ZKSCAN3: variants seen among roughly 807,000 people sequenced by gnomAD.
ZKSCAN3 encodes zinc finger with KRAB and SCAN domains 3.
Under a neutral mutation model 30.7 loss-of-function variants are expected in ZKSCAN3, and 21 were observed. The observed-to-expected ratio is 0.68, with a 90% CI of 0.49 to 0.99. ZKSCAN3 has a LOEUF of 0.99. ZKSCAN3 is among the 50% of genes least tolerant of loss of function. The probability of loss-of-function intolerance (pLI) is 0.00; values close to 1 mark genes in which losing one functional copy is unlikely to be tolerated. For synonymous variants in ZKSCAN3, 201 were observed against 246.7 expected, an observed-to-expected ratio of 0.81 and a Z score of 1.73; for missense variants, 507 against 647.1, an observed-to-expected ratio of 0.78 and a Z score of 2.35.
At position 28,359,574 on chromosome 6, in the gene ZKSCAN3, G is replaced by T. The variant is rs763611355; in HGVS notation, c.-13G>T. ...GAAGCTAGAGTGAGGCCTGAGTACTGCCTTGGCCTAGGATGGCTAGAGAAT... is the reference window on the plus strand; with the variant it reads ...GAAGCTAGAGTGAGGCCTGAGTACTTCCTTGGCCTAGGATGGCTAGAGAAT... On this transcript the variant is annotated 5_prime_UTR_variant, in exon 2 of 6. Transcript: ENST00000252211. The T allele has an allele frequency of 1.2e-6, 2 of 1,611,710 alleles. No individual in the cohort carries two copies. The highest frequency in any genetic ancestry group is 1.1e-5 in the South Asian group (1 of 91,038).
In ZKSCAN3 at chr6:28,366,340, C is replaced by A. The variant is rs1339529820; in HGVS notation, c.*55C>A. Reference sequence around the variant, plus strand: ...CATTTGTCACTGATCTGAAGCCACTCCCCCTGGAGTCTCAACTATAGAAAT... The same window carrying A: ...CATTTGTCACTGATCTGAAGCCACTACCCCTGGAGTCTCAACTATAGAAAT... On this transcript the variant is annotated 3_prime_UTR_variant, in exon 6 of 6. Coordinates refer to ENST00000252211, the MANE Select transcript of ZKSCAN3 (RefSeq NM_024493.4). The A allele has an allele frequency of 3.0e-5, 44 of 1,473,840 alleles. No individual in the cohort carries two copies. Among genetic ancestry groups the A allele is most frequent in the Non-Finnish European group, 3.8e-5 (42 of 1,114,476 alleles). The allele number at this position is 1,473,840 out of a possible 1,614,324, so 91.3% of individuals were successfully genotyped here.
Position 28,351,949 on chromosome 6 carries a change from G to T in ZKSCAN3, c.-63+1882G>T, listed in dbSNP as rs1765057458. Among the ~76,000 whole-genome samples, 2 of 150,732 alleles carry T rather than the reference G, an allele frequency of 1.3e-5. No individual in the cohort carries two copies. The highest frequency in any genetic ancestry group is 4.9e-5 in the African/African-American group (2 of 41,088). ...AATAATTCCTTGATATCATTATCTT[G>T]ATTTTCAAATAATTGTCTCAAATAT... is the stretch of plus-strand genomic sequence containing the variant. On this transcript the variant is annotated intron_variant, in intron 1 of 5. Transcript: ENST00000252211. This position sits in a 1 kb window ranked among gnomAD's most constrained non-coding sequence, Gnocchi z 4.6.
At position 28,349,965 on chromosome 6, in the gene ZKSCAN3, G is replaced by A. The variant is rs1245376417; in HGVS notation, c.-165G>A. ...GTGGTTTGCTAGTTTCAAGCACTTTGTGAGTATGGGGTGAATCGGCGTCGG... is the reference window on the plus strand; with the variant it reads ...GTGGTTTGCTAGTTTCAAGCACTTTATGAGTATGGGGTGAATCGGCGTCGG... On this transcript the variant is annotated 5_prime_UTR_variant, in exon 1 of 6. It adds an upstream start codon to the 5' untranslated region. Transcript: ENST00000252211. This position sits in a 1 kb window ranked among gnomAD's most constrained non-coding sequence, Gnocchi z 4.1. 6.6e-6 allele frequency: 1 copy of A among 152,254 alleles called. No individual in the cohort carries two copies. The highest frequency in any genetic ancestry group is 1.5e-5 in the Non-Finnish European group (1 of 68,076). 9.4% of individuals were successfully genotyped at this position (152,254 alleles called of 1,614,324 possible).
At chr6:28,358,889 A>T (rs1302896947) in intron 1 of ZKSCAN3, among the ~76,000 whole-genome samples, 1 of 125,582 alleles carries the variant, frequency 8.0e-6, no homozygotes, top group Non-Finnish European at 1.6e-5. Context: ...GTCTCAAAAC[A>T]AACAAATAAG....
intron 5 of ZKSCAN3, among the ~76,000 whole-genome samples, chr6:28,364,101 C>T (rs565712757): frequency 6.6e-6 from 1 of 152,264 alleles, no homozygotes; most frequent in South Asian, 2.1e-4. Context: ...TCCCAAACTG[C>T]TGGGACTAAA....
intron 1 of ZKSCAN3, chr6:28,350,276 G>T (rs1317639012): frequency 6.6e-6 from 1 of 152,244 alleles, no homozygotes; most frequent in Non-Finnish European, 1.5e-5. Flanking sequence ...GTTTAGGGCC[G>T]TTACCGAGTG....
chr6:28,356,351 G>A (rs1412595411), intron 1 of ZKSCAN3: 1 of 152,252 alleles, frequency 6.6e-6, no homozygotes, highest in Admixed American at 6.5e-5. Flanking sequence ...ACCGGCATCA[G>A]ACCACACTGT....
At position 28,359,823 on chromosome 6, in the gene ZKSCAN3, G is replaced by A; in HGVS notation, c.237G>A (p.Met79Ile). Residue 79 changes from methionine (M) to isoleucine (I), a missense_variant, in exon 2 of 6, where the codon ATG becomes ATA. By Grantham distance (10) the Met-to-Ile change is conservative. Coordinates refer to ENST00000252211, the MANE Select transcript of ZKSCAN3 (RefSeq NM_024493.4). Reference sequence around the variant, plus strand: ...GCCGACAGTGGCTGCAGCCTGAGATGCACAGCAAGGAGCAGATCCTGGAGC... The same window carrying A: ...GCCGACAGTGGCTGCAGCCTGAGATACACAGCAAGGAGCAGATCCTGGAGC... Reference protein sequence around the residue: ...ELCRQWLQPEMHSKEQILELL... With the variant: ...ELCRQWLQPEIHSKEQILELL... The A allele has an allele frequency of 6.2e-7, 1 of 1,614,194 alleles. No homozygotes were observed. The highest frequency in any genetic ancestry group is 8.5e-7 in the Non-Finnish European group (1 of 1,180,044).
chr6:28,354,537 C>T (rs562266298), intron 1 of ZKSCAN3, among the ~76,000 whole-genome samples: 193 of 152,260 alleles, frequency 1.3e-3, no homozygotes, highest in African/African-American at 3.3e-3. Context: ...GACACATAGG[C>T]TCTGGGCACA....
chr6:28,356,932 G>A (rs1765470573), intron 1 of ZKSCAN3, among the ~76,000 whole-genome samples: 1 of 152,234 alleles, frequency 6.6e-6, no homozygotes. Flanking sequence ...TATGCCAAAT[G>A]TCAGGTTAGA....
Position 28,359,685 on chromosome 6 carries a change from T to C in ZKSCAN3, c.99T>C (p.Gly33=), listed in dbSNP as rs745608179. Residue 33 remains glycine, a synonymous_variant, in exon 2 of 6, where the codon GGT becomes GGC. Coordinates refer to ENST00000252211, the MANE Select transcript of ZKSCAN3 (RefSeq NM_024493.4). The part of the protein sequence containing the change: ...LVIKVEEEEA[G]FPSSPDLGSE... Reference sequence around the variant, plus strand: ...TAAAGGTGGAGGAAGAAGAAGCCGGTTTTCCCAGTAGCCCAGATCTGGGTT... The same window carrying C: ...TAAAGGTGGAGGAAGAAGAAGCCGGCTTTCCCAGTAGCCCAGATCTGGGTT... The C allele has an allele frequency of 6.2e-7, 1 of 1,614,118 alleles. No homozygotes were observed.
chr6:28,349,973 G>A lies in ZKSCAN3; in HGVS notation c.-157G>A, dbSNP rs1225612696. ...CTAGTTTCAAGCACTTTGTGAGTATGGGGTGAATCGGCGTCGGCCTTCCAC... is the reference window on the plus strand; with the variant it reads ...CTAGTTTCAAGCACTTTGTGAGTATAGGGTGAATCGGCGTCGGCCTTCCAC... On this transcript the variant is annotated 5_prime_UTR_variant, in exon 1 of 6. It removes an upstream start codon present in the reference 5' UTR. Coordinates refer to ENST00000252211, the MANE Select transcript of ZKSCAN3 (RefSeq NM_024493.4). The surrounding 1 kb of genome is among the most constrained non-coding windows in gnomAD (Gnocchi z 4.1). 1 of 152,262 alleles carries A rather than the reference G, an allele frequency of 6.6e-6. No homozygotes were observed. The highest frequency in any genetic ancestry group is 1.5e-5 in the Non-Finnish European group (1 of 68,072). The allele number at this position is 152,262 out of a possible 1,614,324, so 9.4% of individuals were successfully genotyped here. A position where few individuals can be genotyped will look rare whatever the true frequency, so the allele number is the denominator to read the frequency against.
Position 28,363,698 on chromosome 6 carries a change from T to G in ZKSCAN3, c.640T>G (p.Leu214Val). The change falls in exon 5 of 6, where the codon TTG (leucine) becomes GTG (valine). Residue 214 changes from leucine (L) to valine (V), a missense_variant. Leu to Val is a conservative substitution (Grantham distance 32, BLOSUM62 1). Coordinates refer to ENST00000252211, the MANE Select transcript of ZKSCAN3 (RefSeq NM_024493.4). The stretch of plus-strand genomic sequence containing the variant: ...GGATTACCTATTGTTTTAGGGGTTG[T>G]TGAAAGTGGAAGATGTGGCCCTGAC... ...SRLTPESQGL[L>V]KVEDVALTLT... 6.2e-7 allele frequency: 1 copy of G among 1,614,038 alleles called. No individual in the cohort carries two copies. The highest frequency in any genetic ancestry group is 8.5e-7 in the Non-Finnish European group (1 of 1,179,950).
rs888966981 is a variant in ZKSCAN3, at chr6:28,368,275, C to A, written c.*1990C>A. ...CTGGGATTACAGGCGTGAGCCACCGCGCCCGGCCCAAGTATCACTTATGGT... is the reference window on the plus strand; with the variant it reads ...CTGGGATTACAGGCGTGAGCCACCGAGCCCGGCCCAAGTATCACTTATGGT... On this transcript the variant is annotated 3_prime_UTR_variant, in exon 6 of 6. Coordinates refer to ENST00000252211, the MANE Select transcript of ZKSCAN3 (RefSeq NM_024493.4). 6.6e-6 allele frequency: 1 copy of A among 152,262 alleles called. No homozygotes were observed. The highest frequency in any genetic ancestry group is 1.9e-4 in the East Asian group (1 of 5,178). The allele number at this position is 152,262 out of a possible 1,614,324, so 9.4% of individuals were successfully genotyped here.
chr6:28,360,056 A>G, intron 2 of ZKSCAN3, 68 bp downstream of exon 2: 1 of 1,613,034 alleles, frequency 6.2e-7, no homozygotes, highest in Non-Finnish European at 8.5e-7. Flanking sequence ...GATCAGAGTG[A>G]GGGGCATTCC....
chr6:28,353,904 C>G (rs367662179), intron 1 of ZKSCAN3: 3 of 455,850 alleles, frequency 6.6e-6, no homozygotes, highest in Admixed American at 4.7e-5. Context: ...TACTGAGGTC[C>G]GAGGGGAGTT....
At chr6:28,358,263 C>T (rs1411307260) in intron 1 of ZKSCAN3, among the ~76,000 whole-genome samples, 2 of 152,198 alleles carry the variant, frequency 1.3e-5, no homozygotes, top group African/African-American at 4.8e-5. Context: ...TAGCTTACTG[C>T]ATCCTTGAAC....
intron 2 of ZKSCAN3, 166 bp downstream of exon 2, chr6:28,360,154 ATT>A (rs34299481): frequency 5.8e-6 from 7 of 1,204,990 alleles, no homozygotes; most frequent in Non-Finnish European, 8.0e-6. Context: ...TCTCAGAATA[ATT>A]TTTTTTTTAA....
chr6:28,352,964 CTTTTTTT>C (rs5875156), intron 1 of ZKSCAN3, among the ~76,000 whole-genome samples: 2 of 129,918 alleles, frequency 1.5e-5, no homozygotes, highest in Non-Finnish European at 3.2e-5. Context: ...TTTTCTTTTT[CTTTTTTT>C]TTTTTTTTTT....
Sources: gnomAD v4.1 joint callset for allele counts (sites outside exome capture counted in the v4.1 genomes callset) on GRCh38, gnomAD v4.1.1 for gene constraint, Gnocchi (gnomAD v3.1) non-coding constraint, MANE v1.5 for transcripts, NCBI Gene and HGNC (gene_info 2026-07-23, HGNC 2026-07-21) for gene names.